SLC7A7: variants seen among roughly 807,000 people sequenced by gnomAD.
SLC7A7 encodes the protein Y+L amino acid transporter 1.
Under a neutral mutation model 47.9 loss-of-function variants are expected in SLC7A7, and 39 were observed. That is an observed-to-expected ratio of 0.81 (90% CI 0.63 to 1.06). The LOEUF (loss-of-function observed/expected upper bound fraction) is 1.06. SLC7A7 is among the 50% of genes least tolerant of loss of function. SLC7A7 has a pLI of 0.00. For missense variants in SLC7A7, 588 were observed against 632.0 expected (o/e 0.93, Z 0.75); for synonymous variants, 234 against 242.8 (o/e 0.96, Z 0.34).
chr14:22,811,862 AAAAGGAAG>A (rs2039312725), intron 2 of SLC7A7, among the ~76,000 whole-genome samples: 2 of 150,968 alleles, frequency 1.3e-5, no homozygotes, highest in Non-Finnish European at 3.0e-5. Flanking sequence ...AAAAAAAAAA[AAAAGGAAG>A]AATCCAGCCT....
intron 3 of SLC7A7, 54 bp from the exon 4 acceptor site, chr14:22,778,991 CA>C (rs1292253956): frequency 3.7e-6 from 6 of 1,606,996 alleles, no homozygotes; most frequent in Non-Finnish European, 5.1e-6. Context: ...TCTCCCACTT[CA>C]AGATGGTCAA....
Position 22,813,451 on chromosome 14 carries a change from GAAAGATGAT to G in SLC7A7, c.-42-20_-42-12del. 1 of 1,599,036 alleles carries G rather than the reference GAAAGATGAT, an allele frequency of 6.3e-7. No individual in the cohort carries two copies. Among genetic ancestry groups the G allele is most frequent in the Non-Finnish European group, 8.5e-7 (1 of 1,178,504 alleles). On this transcript the variant is annotated splice_polypyrimidine_tract_variant and intron_variant, in intron 1 of 9. Coordinates refer to ENST00000674313, the MANE Select transcript of SLC7A7 (RefSeq NM_003982.4). ...CTTCCTGGCATTGCCCTTTAAGGAA[GAAAGATGAT>G]GCTATAGATTAGGTGGTTGGCAATT... is the stretch of plus-strand genomic sequence containing the variant.
upstream of SLC7A7, among the ~76,000 whole-genome samples, chr14:22,818,915 C>A (rs1212001866): frequency 6.6e-6 from 1 of 152,028 alleles, no homozygotes; most frequent in Non-Finnish European, 1.5e-5. Context: ...ACATGAGAAA[C>A]CCCATAAGAT....
At chr14:22,803,563 C>A (rs2039152407) in intron 2 of SLC7A7, among the ~76,000 whole-genome samples, 1 of 152,150 alleles carries the variant, frequency 6.6e-6, no homozygotes, top group South Asian at 2.1e-4. Context: ...GCCTTCCTTG[C>A]AGAAGAAACA....
intron 2 of SLC7A7, among the ~76,000 whole-genome samples, chr14:22,810,256 G>A (rs887669749): frequency 2.6e-5 from 4 of 151,600 alleles, no homozygotes; most frequent in Non-Finnish European, 5.9e-5. Flanking sequence ...CCTGAGGTCC[G>A]GAGTTCGAGA....
chr14:22,799,960 C>T (rs921485669), intron 2 of SLC7A7, among the ~76,000 whole-genome samples: 1 of 152,146 alleles, frequency 6.6e-6, no homozygotes, highest in Non-Finnish European at 1.5e-5. Flanking sequence ...AAGTAACTGG[C>T]GTCACCATCC....
intron 2 of SLC7A7, among the ~76,000 whole-genome samples, chr14:22,788,531 C>T (rs1459618937): frequency 6.6e-6 from 1 of 151,892 alleles, no homozygotes; most frequent in African/African-American, 2.4e-5. Context: ...GGTGAAACCC[C>T]CGTCTCTACT....
chr14:22,808,357 C>A (rs1000133867), intron 2 of SLC7A7, among the ~76,000 whole-genome samples: 1 of 152,156 alleles, frequency 6.6e-6, no homozygotes, highest in Non-Finnish European at 1.5e-5. Flanking sequence ...ACATAGCATG[C>A]CCTAATTAAA....
chr14:22,777,584 C>A (rs1393229757), intron 4 of SLC7A7, among the ~76,000 whole-genome samples: 1 of 151,948 alleles, frequency 6.6e-6, no homozygotes, highest in South Asian at 2.1e-4. Context: ...AAAAAAAGCA[C>A]AAAGTGGGGC....
At chr14:22,805,923 A>AGGAGAT (rs2039194172) in intron 2 of SLC7A7, among the ~76,000 whole-genome samples, 1 of 151,876 alleles carries the variant, frequency 6.6e-6, no homozygotes, top group African/African-American at 2.4e-5. Flanking sequence ...CGGGCAGATC[A>AGGAGAT]CGAGGTCAGG....
At chr14:22,800,496 T>A (rs1478443715) in intron 2 of SLC7A7, among the ~76,000 whole-genome samples, 2 of 152,194 alleles carry the variant, frequency 1.3e-5, no homozygotes, top group Non-Finnish European at 2.9e-5. Context: ...TAAAAGGCAA[T>A]GCAACTTCCA....
Position 22,779,888 on chromosome 14 carries a change from C to A in SLC7A7, c.625+38G>T, listed in dbSNP as rs772513037. The A allele has an allele frequency of 3.4e-5, 54 of 1,604,656 alleles. No homozygotes were observed. The East Asian group carries it at 1.0e-3, about 30-fold the overall frequency. On this transcript the variant is annotated intron_variant, in intron 3 of 9. Transcript: ENST00000674313. ...AGAGGAGTGCGGCTCACAGAAAATGCTTAAAAAAGATTAGTTGCTACTAAT... is the reference window on the plus strand; with the variant it reads ...AGAGGAGTGCGGCTCACAGAAAATGATTAAAAAAGATTAGTTGCTACTAAT...
intron 2 of SLC7A7, among the ~76,000 whole-genome samples, chr14:22,803,200 G>A (rs185185457): frequency 5.3e-5 from 8 of 152,186 alleles, no homozygotes; most frequent in East Asian, 1.9e-4. Flanking sequence ...CGGGCAGATC[G>A]CCTGAGGTCA....
chr14:22,806,354 C>T (rs2039209198), intron 2 of SLC7A7, among the ~76,000 whole-genome samples: 1 of 151,552 alleles, frequency 6.6e-6, no homozygotes, highest in African/African-American at 2.4e-5. Flanking sequence ...CGCCATCATG[C>T]CCGGCTAATT....
intron 4 of SLC7A7, among the ~76,000 whole-genome samples, chr14:22,777,880 C>A (rs1263804838): frequency 6.6e-6 from 1 of 152,180 alleles, no homozygotes; most frequent in Non-Finnish European, 1.5e-5. Flanking sequence ...TCGAGACCAG[C>A]CTGGCCAACA....
chr14:22,815,568 A>G (rs1226235316), upstream of SLC7A7: 1 of 454,144 alleles, frequency 2.2e-6, no homozygotes, highest in Non-Finnish European at 4.4e-6. Flanking sequence ...GGCCCTTCAC[A>G]TCTGCAAAAG....
chr14:22,816,276 G>A (rs1014620689), upstream of SLC7A7: 1 of 154,300 alleles, frequency 6.5e-6, no homozygotes, highest in African/African-American at 2.4e-5. Context: ...CGGATCACAA[G>A]GTCAGGAGAT....
intron 2 of SLC7A7, among the ~76,000 whole-genome samples, chr14:22,798,495 C>T (rs143028050): frequency 2.0e-3 from 307 of 152,300 alleles, no homozygotes; most frequent in African/African-American, 7.1e-3. Context: ...TGACTCAGGG[C>T]ACCCAATCAT....
upstream of SLC7A7, among the ~76,000 whole-genome samples, chr14:22,819,175 C>T (rs533394660): frequency 3.9e-5 from 6 of 152,212 alleles, no homozygotes; most frequent in South Asian, 1.2e-3. Context: ...GGTCTTGGCT[C>T]CTCAGCCAAG....
Sources: allele counts gnomAD v4.1 joint callset (sites outside exome capture counted in the v4.1 genomes callset), GRCh38; gene constraint gnomAD v4.1.1; transcripts MANE v1.5; gene names NCBI Gene and HGNC (gene_info 2026-07-23, HGNC 2026-07-21).